Variants in HS6ST2 observed in about 807,000 individuals in gnomAD.
HS6ST2 encodes the protein heparan-sulfate 6-O-sulfotransferase 2.
In HS6ST2, 17 loss-of-function variants were observed where a neutral mutation model predicts 33.0. The observed-to-expected ratio is 0.52, with a 90% CI of 0.35 to 0.77. The LOEUF (loss-of-function observed/expected upper bound fraction) is 0.77. Ranked by LOEUF, HS6ST2 falls within the 30% of genes least tolerant of loss-of-function variation. HS6ST2 has a pLI of 0.01. For missense variants in HS6ST2, 519 were observed against 551.7 expected (o/e 0.94, Z 0.59); for synonymous variants, 248 against 237.1 (o/e 1.05, Z -0.42).
chrX:132,735,181 A>G (rs1263906633), intron 2 of HS6ST2: 4 of 112,252 alleles, frequency 3.6e-5, no homozygotes, highest in African/African-American at 1.3e-4. Context: ...AGTCTTGTCA[A>G]TATTCTGAAT....
intron 2 of HS6ST2, among the ~76,000 whole-genome samples, chrX:132,752,697 G>C (rs2064718568): frequency 9.0e-6 from 1 of 111,668 alleles, no homozygotes; most frequent in Non-Finnish European, 1.9e-5. Flanking sequence ...TACTTTCATG[G>C]CTGCAGTTTT....
intron 4 of HS6ST2, among the ~76,000 whole-genome samples, chrX:132,633,298 C>G (rs887760487): frequency 1.8e-5 from 2 of 110,447 alleles, no homozygotes; most frequent in African/African-American, 6.6e-5. Flanking sequence ...TTAAAGCATT[C>G]AAAGTTAATT....
chrX:132,746,277 C>A (rs1360325516), intron 2 of HS6ST2, among the ~76,000 whole-genome samples: 1 of 110,852 alleles, frequency 9.0e-6, no homozygotes, highest in Non-Finnish European at 1.9e-5. Flanking sequence ...CTGAGGCAGG[C>A]GGATCATGAG....
chrX:132,697,716 G>A (rs1014646500), intron 3 of HS6ST2, among the ~76,000 whole-genome samples: 8 of 111,658 alleles, frequency 7.2e-5, no homozygotes, highest in East Asian at 2.8e-4. Context: ...AAGTATCTAC[G>A]TTTATACATA....
intron 4 of HS6ST2, among the ~76,000 whole-genome samples, chrX:132,637,842 TTA>T (rs1261707885): frequency 2.5e-5 from 1 of 40,803 alleles, no homozygotes; most frequent in African/African-American, 5.1e-4. Context: ...ATATAATATT[TTA>T]TATATAATAT....
intron 2 of HS6ST2, among the ~76,000 whole-genome samples, chrX:132,908,227 C>G (rs920555255): frequency 8.6e-5 from 4 of 46,612 alleles, no homozygotes; most frequent in Non-Finnish European, 1.1e-4. Context: ...CTTCACAAAC[C>G]TGCTAAGACA....
intron 2 of HS6ST2, among the ~76,000 whole-genome samples, chrX:132,859,300 G>C (rs933809106): frequency 9.0e-6 from 1 of 111,690 alleles, no homozygotes; most frequent in African/African-American, 3.3e-5. Flanking sequence ...TTGTAGCAGA[G>C]CTATCATAAA....
chrX:132,834,557 T>A (rs2065623617), intron 2 of HS6ST2, among the ~76,000 whole-genome samples: 1 of 112,125 alleles, frequency 8.9e-6, no homozygotes, highest in Non-Finnish European at 1.9e-5. Flanking sequence ...GCTAAACTCA[T>A]CTCAGGGGGC....
chrX:132,849,501 T>C (rs2065782561), intron 2 of HS6ST2, among the ~76,000 whole-genome samples: 1 of 111,975 alleles, frequency 8.9e-6, no homozygotes, highest in African/African-American at 3.2e-5. Flanking sequence ...AACACTGTAC[T>C]GCAAACATTA....
At chrX:132,703,857 T>C (rs2064165268) in intron 3 of HS6ST2, among the ~76,000 whole-genome samples, 4 of 112,167 alleles carry the variant, frequency 3.6e-5, no homozygotes, top group African/African-American at 1.3e-4. Context: ...TCAGCAAGAT[T>C]ATGGCCATTG....
At chrX:132,668,997 A>G in intron 4 of HS6ST2, 116 bp downstream of exon 4, 2 of 489,592 alleles carry the variant, frequency 4.1e-6, no homozygotes, top group Non-Finnish European at 7.1e-6. Flanking sequence ...AGTGGGAGGC[A>G]CACAGAAGAC....
intron 2 of HS6ST2, among the ~76,000 whole-genome samples, chrX:132,839,323 C>CAT (rs2065685107): frequency 4.3e-5 from 4 of 92,059 alleles, no homozygotes; most frequent in South Asian, 5.7e-4. Flanking sequence ...TATACACACA[C>CAT]ATGTATGTAT....
At chrX:132,893,131 T>C (rs752868478) in intron 2 of HS6ST2, among the ~76,000 whole-genome samples, 4 of 111,841 alleles carry the variant, frequency 3.6e-5, no homozygotes, top group African/African-American at 6.5e-5. Flanking sequence ...ATATACACAG[T>C]AGAGACATCA....
rs184184046 is a variant in HS6ST2, at chrX:132,900,312, T to C, written c.947+56496A>G. 3.1e-3 allele frequency among the ~76,000 whole-genome samples: 343 copies of C among 112,094 alleles called. 1 individual carries two copies. Among genetic ancestry groups the C allele is most frequent in the African/African-American group, 9.5e-3 (292 of 30,880 alleles). Reference sequence around the variant, plus strand: ...ACAAGGAAAATAACACCAGATGGGATGCTGGAGCTACAAAAAGGAATGAAG... The same window carrying C: ...ACAAGGAAAATAACACCAGATGGGACGCTGGAGCTACAAAAAGGAATGAAG... On this transcript the variant is annotated intron_variant, in intron 2 of 4. Transcript: ENST00000370833.
chrX:132,726,782 T>C (rs945712630), intron 2 of HS6ST2, among the ~76,000 whole-genome samples: 7 of 112,160 alleles, frequency 6.2e-5, no homozygotes, highest in Non-Finnish European at 1.1e-4. Flanking sequence ...GTATCTGGCT[T>C]TTTTTTCACT....
chrX:132,784,392 C>T (rs1336736078), intron 2 of HS6ST2, among the ~76,000 whole-genome samples: 3 of 111,439 alleles, frequency 2.7e-5, no homozygotes, highest in African/African-American at 9.8e-5. Context: ...TCACCACAAC[C>T]GGCGCCTCCC....
At chrX:132,782,789 C>T (rs2065026955) in intron 2 of HS6ST2, among the ~76,000 whole-genome samples, 2 of 111,027 alleles carry the variant, frequency 1.8e-5, no homozygotes, top group Non-Finnish European at 1.9e-5. Context: ...GAGAGAGAGA[C>T]CATTCATGCT....
intron 2 of HS6ST2, among the ~76,000 whole-genome samples, chrX:132,773,449 T>C (rs1203751757): frequency 9.1e-6 from 1 of 109,692 alleles, no homozygotes; most frequent in East Asian, 2.8e-4. Context: ...GAAATCATCA[T>C]ATGACCCAGC....
At chrX:132,678,882 C>T (rs2063945147) in intron 3 of HS6ST2, among the ~76,000 whole-genome samples, 1 of 112,465 alleles carries the variant, frequency 8.9e-6, no homozygotes, top group African/African-American at 3.2e-5. Context: ...ATCTACTTCG[C>T]TTCATGCACA....
Sources: gnomAD v4.1 joint callset for allele counts (sites outside exome capture counted in the v4.1 genomes callset) on GRCh38, gnomAD v4.1.1 for gene constraint, MANE v1.5 for transcripts, NCBI Gene and HGNC (gene_info 2026-07-23, HGNC 2026-07-21) for gene names.